The following ZBTB7C variants were observed in gnomAD, a reference collection of about 807,000 sequenced individuals.
ZBTB7C encodes zinc finger and BTB domain containing 7C.
In ZBTB7C, 8 loss-of-function variants were observed where a neutral mutation model predicts 25.7. That is an observed-to-expected ratio of 0.31 (90% CI 0.18 to 0.56). The LOEUF (loss-of-function observed/expected upper bound fraction) is 0.56. Among genes scored for constraint, ZBTB7C ranks in the 20% least tolerant of loss-of-function variants. ZBTB7C has a pLI of 0.91. For synonymous variants in ZBTB7C, 394 were observed against 369.0 expected (o/e 1.07, Z -0.78); for missense variants, 824 against 855.2 (o/e 0.96, Z 0.46).
chr18:48,276,112 C>T (rs1026503252), intron 2 of ZBTB7C, among the ~76,000 whole-genome samples: 1 of 152,002 alleles, frequency 6.6e-6, no homozygotes, highest in African/African-American at 2.4e-5. Context: ...AGTAAAAAGG[C>T]CTCAGATTTT....
chr18:48,324,498 G>A (rs1248394419), intron 2 of ZBTB7C, among the ~76,000 whole-genome samples: 1 of 151,854 alleles, frequency 6.6e-6, no homozygotes, highest in Non-Finnish European at 1.5e-5. Flanking sequence ...GCTATGGTCT[G>A]AATGTGTGGA....
At position 48,032,209 on chromosome 18, in the gene ZBTB7C, G is replaced by A. The variant is rs368682368; in HGVS notation, c.1209-2298C>T. On this transcript the variant is annotated intron_variant, in intron 4 of 4. Coordinates refer to ENST00000590800, the MANE Select transcript of ZBTB7C (RefSeq NM_001318841.2). ...GCTCACTGTAACCTCCGCTTCCCAG[G>A]TTCAAGTGATTCTCCTGCCTCAGCC... Among the ~76,000 whole-genome samples, 6 of 152,024 alleles carry A rather than the reference G, an allele frequency of 3.9e-5. No homozygotes were observed. In the East Asian group the frequency reaches 9.7e-4, roughly 25 times the overall value.
rs75247507 is a variant in ZBTB7C at position 48,391,889 on chromosome 18, A to G, written c.-304+17337T>C. Among the ~76,000 whole-genome samples, 500 of 152,348 alleles carry G rather than the reference A, an allele frequency of 3.3e-3. 12 individuals are homozygous for G. In the East Asian group the frequency reaches 0.046, roughly 14 times the overall value. On this transcript the variant is annotated intron_variant, in intron 1 of 4. Transcript: ENST00000590800. ...ACCCAGCTTGTAGAAACTCAAGGAA[A>G]GCTCTAAGACCTCAAGCTATCTCCT...
chr18:48,275,055 C>T (rs530115253), intron 2 of ZBTB7C, among the ~76,000 whole-genome samples: 3 of 152,220 alleles, frequency 2.0e-5, no homozygotes, highest in East Asian at 3.9e-4. Context: ...GCTAATTATA[C>T]GAAGTACTTA....
intron 1 of ZBTB7C, among the ~76,000 whole-genome samples, chr18:48,360,694 T>C (rs2047083793): frequency 6.6e-6 from 1 of 151,480 alleles, no homozygotes; most frequent in Non-Finnish European, 1.5e-5. Flanking sequence ...TCTAGTGGAA[T>C]CCCTAGACCA....
intron 3 of ZBTB7C, chr18:48,162,496 A>G: frequency 4.7e-6 from 2 of 429,114 alleles, no homozygotes; most frequent in South Asian, 3.2e-5. Context: ...TACTATTATT[A>G]CCTCTTCCCC....
At chr18:48,211,444 TAAAGAACTGGTATCCA>T (rs566321924) in intron 2 of ZBTB7C, among the ~76,000 whole-genome samples, 83 of 152,188 alleles carry the variant, frequency 5.5e-4, no homozygotes, top group South Asian at 3.3e-3. Context: ...ATAAATCTGA[TAAAGAACTGGTATCCA>T]AAATACACAA....
At position 48,300,361 on chromosome 18, in the gene ZBTB7C, A is replaced by G. The variant is rs188380102; in HGVS notation, c.-79+37813T>C. ...GTGAATGTGGTCTCCCTTGTGAAAC[A>G]GAGCTTTACTAGCAGGGAGTTTGTA... On this transcript the variant is annotated intron_variant, in intron 2 of 4. Transcript: ENST00000590800. Among the ~76,000 whole-genome samples the G allele has an allele frequency of 8.3e-4, 126 of 152,272 alleles. 2 individuals are homozygous for G. The highest frequency in any genetic ancestry group is 1.6e-3 in the Non-Finnish European group (108 of 68,010).
At chr18:48,284,429 A>T (rs1394805379) in intron 2 of ZBTB7C, among the ~76,000 whole-genome samples, 1 of 148,128 alleles carries the variant, frequency 6.8e-6, no homozygotes, top group Non-Finnish European at 1.5e-5. Flanking sequence ...ACAGAGTGAG[A>T]CCCTGTTAAG....
In ZBTB7C at chr18:48,253,124, T is replaced by C. The variant is rs944602817; in HGVS notation, c.-78-67129A>G. ...GCTGGCCCTTTAAGGATGGATAGGA[T>C]TCACTCAGATTTGTGTGGGTGAATA... On this transcript the variant is annotated intron_variant, in intron 2 of 4. Coordinates refer to ENST00000590800, the MANE Select transcript of ZBTB7C (RefSeq NM_001318841.2). 2.0e-5 allele frequency among the ~76,000 whole-genome samples: 3 copies of C among 151,888 alleles called. No homozygotes were observed. The East Asian group carries it at 5.8e-4, about 29-fold the overall frequency.
intron 3 of ZBTB7C, among the ~76,000 whole-genome samples, chr18:48,075,810 G>A (rs1194359621): frequency 6.6e-6 from 1 of 152,186 alleles, no homozygotes; most frequent in Non-Finnish European, 1.5e-5. Flanking sequence ...CACCTGCTCT[G>A]TCCGCTAATC....
chr18:48,270,253 CTTTTTTTTTT>C (rs760096959), intron 2 of ZBTB7C, among the ~76,000 whole-genome samples: 21 of 98,776 alleles, frequency 2.1e-4, no homozygotes, highest in African/African-American at 6.8e-4. Flanking sequence ...TTCTCTCTTT[CTTTTTTTTTT>C]TTTTTTTTTT....
intron 1 of ZBTB7C, among the ~76,000 whole-genome samples, chr18:48,371,892 C>A (rs964822415): frequency 1.3e-5 from 2 of 152,236 alleles, no homozygotes; most frequent in African/African-American, 4.8e-5. Context: ...TGGCTCCAAT[C>A]GCCAGCTGAT....
At chr18:48,405,514 A>T (rs532780651) in intron 1 of ZBTB7C, among the ~76,000 whole-genome samples, 12 of 152,294 alleles carry the variant, frequency 7.9e-5, no homozygotes, top group African/African-American at 2.4e-4. Context: ...ACTTTGTGCA[A>T]ATGGGAGAGT....
chr18:48,351,176 C>T (rs953385278), intron 1 of ZBTB7C, among the ~76,000 whole-genome samples: 9 of 152,040 alleles, frequency 5.9e-5, no homozygotes, highest in Admixed American at 3.3e-4. Flanking sequence ...TGTGTGAGTG[C>T]GAGATGGAAG....
chr18:48,348,777 A>G (rs1192322565), intron 1 of ZBTB7C, among the ~76,000 whole-genome samples: 4 of 152,262 alleles, frequency 2.6e-5, no homozygotes, highest in Non-Finnish European at 5.9e-5. Flanking sequence ...AGATCGTGCC[A>G]CTGCACTCCA....
intron 1 of ZBTB7C, among the ~76,000 whole-genome samples, chr18:48,354,374 A>G (rs758301255): frequency 2.6e-4 from 39 of 152,156 alleles, no homozygotes; most frequent in Non-Finnish European, 4.4e-4. Context: ...CATCAACACA[A>G]TTAAGGAATT....
intron 3 of ZBTB7C, among the ~76,000 whole-genome samples, chr18:48,152,301 C>T (rs1029042402): frequency 6.6e-6 from 1 of 151,898 alleles, no homozygotes; most frequent in East Asian, 1.9e-4. Flanking sequence ...ATCAAATTTT[C>T]AAGAAAGTTT....
chr18:48,147,411 C>A (rs1009084023), intron 3 of ZBTB7C, among the ~76,000 whole-genome samples: 2 of 152,126 alleles, frequency 1.3e-5, no homozygotes, highest in South Asian at 2.1e-4. Context: ...TACCACTGAA[C>A]GTAATCTGGA....
Sources: allele counts gnomAD v4.1 joint callset (sites outside exome capture counted in the v4.1 genomes callset), GRCh38; gene constraint gnomAD v4.1.1; transcripts MANE v1.5; gene names NCBI Gene and HGNC (gene_info 2026-07-23, HGNC 2026-07-21).